SLC6A8: variants seen among roughly 807,000 people sequenced by gnomAD.
SLC6A8 encodes the protein solute carrier family 6 member 8, also known as sodium- and chloride-dependent creatine transporter 1.
In SLC6A8, 6 loss-of-function variants were observed where a neutral mutation model predicts 48.3. That is an observed-to-expected ratio of 0.12 (90% CI 0.07 to 0.25). The LOEUF is 0.25. SLC6A8 is among the 10% of genes least tolerant of loss of function. The pLI is 1.00. For synonymous variants in SLC6A8, 245 were observed against 244.0 expected, an observed-to-expected ratio of 1.00 and a Z score of -0.04; for missense variants, 260 against 551.5, an observed-to-expected ratio of 0.47 and a Z score of 5.29.
chrX:153,689,812 C>G (rs5945340), intron 1 of SLC6A8, among the ~76,000 whole-genome samples: 26,996 of 111,385 alleles, frequency 0.24, 3,057 homozygotes, highest in Middle Eastern at 0.38. Flanking sequence ...TAAGGCCGGC[C>G]TGGCCCCTCT....
Position 153,694,278 on chromosome X carries a change from T to TGG in SLC6A8, c.1392+16_1392+17dup, listed in dbSNP as rs781964988. On this transcript the variant is annotated intron_variant, in intron 9 of 12. Transcript: ENST00000253122. Reference sequence around the variant, plus strand: ...TCCATGGTGACTGATGTGAGTGGGGTGGGGGGTCTGCCTGTGACCTCTGGT... The same window carrying TGG: ...TCCATGGTGACTGATGTGAGTGGGGTGGGGGGGGTCTGCCTGTGACCTCTGGT... 3 of 1,208,056 alleles carry TGG rather than the reference T, an allele frequency of 2.5e-6. No individual in the cohort carries two copies. In the African/African-American group the frequency reaches 5.3e-5, roughly 21 times the overall value.
At chrX:153,689,233 AACAC>A (rs1180962031) in intron 1 of SLC6A8, among the ~76,000 whole-genome samples, 3 of 107,401 alleles carry the variant, frequency 2.8e-5, no homozygotes, top group Non-Finnish European at 3.9e-5. Flanking sequence ...CACACACACG[AACAC>A]ACACACACAC....
chrX:153,692,244 A>G (rs1557044616), intron 4 of SLC6A8, 137 bp downstream of exon 4: 1 of 653,059 alleles, frequency 1.5e-6, no homozygotes, highest in Admixed American at 2.7e-5. Context: ...AAAGCCAAGC[A>G]ATGCTCCCCA....
At chrX:153,694,918 C>T (rs782302343) in intron 12 of SLC6A8, 29 bp downstream of exon 12, 3 of 1,132,566 alleles carry the variant, frequency 2.6e-6, no homozygotes, top group Non-Finnish European at 2.4e-6. Flanking sequence ...CCGCCCTCCC[C>T]TCCCCTGCTG....
At chrX:153,688,984 C>T (rs1427865398) in intron 1 of SLC6A8, 148 bp downstream of exon 1, 2 of 177,305 alleles carry the variant, frequency 1.1e-5, no homozygotes, top group Non-Finnish European at 2.0e-5. Flanking sequence ...CCGCCGCTGC[C>T]GCTCGGTGGC....
chrX:153,692,167 C>G (rs2091459515), intron 4 of SLC6A8, 60 bp downstream of exon 4: 2 of 1,100,760 alleles, frequency 1.8e-6, no homozygotes, highest in Admixed American at 4.8e-5. Flanking sequence ...GATGTCTGTG[C>G]CAGGCACACC....
In SLC6A8 at chrX:153,695,069, T is replaced by C; in HGVS notation, c.1768-5T>C. The stretch of plus-strand genomic sequence containing the variant: ...GGGGCTTCAGCATGTCCTCCTCTCC[T>C]GCAGCGCTGGCAGCACCTGACCCAG... On this transcript the variant is annotated splice_polypyrimidine_tract_variant and splice_region_variant and intron_variant, in intron 12 of 12. Transcript: ENST00000253122. The C allele has an allele frequency of 8.3e-7, 1 of 1,200,659 alleles. No individual in the cohort carries two copies. Among genetic ancestry groups the C allele is most frequent in the Non-Finnish European group, 1.1e-6 (1 of 889,641 alleles).
chrX:153,694,494 A>G, intron 10 of SLC6A8, 39 bp from the exon 11 acceptor site: 2 of 1,190,294 alleles, frequency 1.7e-6, no homozygotes, highest in Non-Finnish European at 2.3e-6. Context: ...CGGGGAAGGC[A>G]GGTCTCCAGC....
chrX:153,690,892 A>ACCCCCCCC lies in SLC6A8; in HGVS notation c.394+391_394+398dup, dbSNP rs34305716. The ACCCCCCCC allele has an allele frequency of 4.2e-4, 70 of 168,418 alleles. 2 individuals carry two copies. Among genetic ancestry groups the ACCCCCCCC allele is most frequent in the African/African-American group, 2.6e-3 (50 of 18,883 alleles). The allele number at this position is 168,418 out of a possible 1,213,427, so 13.9% of individuals were successfully genotyped here. On this transcript the variant is annotated intron_variant, in intron 2 of 12. Coordinates refer to ENST00000253122, the MANE Select transcript of SLC6A8 (RefSeq NM_005629.4). ...CCAACACTACCTCAGGCGACTAGAA[A>ACCCCCCCC]CCCCCCCCCCCCACCACCACCATCA...
Position 153,689,530 on chromosome X carries a change from T to A in SLC6A8, c.262+694T>A, listed in dbSNP as rs1557044036. ...GAAGCCGAAGTGACCCGGTGATGGG[T>A]GGGAAACAGAGGTCCAGAGCAAAGG... On this transcript the variant is annotated intron_variant, in intron 1 of 12. Coordinates refer to ENST00000253122, the MANE Select transcript of SLC6A8 (RefSeq NM_005629.4). The A allele has an allele frequency of 4.0e-6, 3 of 743,375 alleles. No individual in the cohort carries two copies. The African/African-American group carries it at 7.5e-5, about 19-fold the overall frequency. 61.3% of individuals were successfully genotyped at this position (743,375 alleles called of 1,213,427 possible). A position where few individuals can be genotyped will look rare whatever the true frequency, so the allele number is the denominator to read the frequency against.
chrX:153,690,119 G>A (rs2091447392), intron 1 of SLC6A8, among the ~76,000 whole-genome samples: 1 of 113,111 alleles, frequency 8.8e-6, no homozygotes, highest in Non-Finnish European at 1.9e-5. Context: ...CGTGGGGGTG[G>A]AAGCCCTGGG....
rs143019641 is a variant in SLC6A8 at position 153,691,512 on chromosome X, C to T, written c.603C>T (p.Asp201=). The T allele has an allele frequency of 9.7e-5, 118 of 1,211,012 alleles. No individual in the cohort carries two copies. The African/African-American group carries it at 1.9e-3, about 19-fold the overall frequency. The change falls in exon 3 of 13, where the codon GAC becomes GAT. Residue 201 remains aspartate, a synonymous_variant. Transcript: ENST00000253122. ...ANASLANLTC[D]QLADRRSPVI... is the part of the protein sequence containing the mutation. Reference sequence around the variant, plus strand: ...CCAGCCTGGCCAACCTCACCTGTGACCAGCTTGCTGACCGCCGGTCCCCTG... The same window carrying T: ...CCAGCCTGGCCAACCTCACCTGTGATCAGCTTGCTGACCGCCGGTCCCCTG...
At chrX:153,693,780 G>T in intron 7 of SLC6A8, 125 bp from the exon 8 acceptor site, 1 of 803,248 alleles carries the variant, frequency 1.2e-6, no homozygotes, top group South Asian at 2.2e-5. Context: ...CCTGCCGCAC[G>T]ACCCAGGGTT....
Position 153,695,548 on chromosome X carries a change from G to A in SLC6A8, c.*334G>A. The A allele has an allele frequency of 3.5e-6, 1 of 287,906 alleles. No homozygotes were observed. The highest frequency in any genetic ancestry group is 5.6e-5 in the Admixed American group (1 of 17,880). 23.7% of individuals were successfully genotyped at this position (287,906 alleles called of 1,213,427 possible). On this transcript the variant is annotated 3_prime_UTR_variant, in exon 13 of 13. Coordinates refer to ENST00000253122, the MANE Select transcript of SLC6A8 (RefSeq NM_005629.4). ...CCCCCTGCCCACCTCTCCAGGCTCT[G>A]CTCTGCAGCACACCCGTGGGTGACC...
chrX:153,689,934 G>A (rs2091446398), intron 1 of SLC6A8, among the ~76,000 whole-genome samples: 1 of 112,774 alleles, frequency 8.9e-6, no homozygotes. Context: ...TCCAAGGGCA[G>A]GACAGTCGCG....
At chrX:153,692,622 C>G in intron 4 of SLC6A8, 1 of 342,424 alleles carries the variant, frequency 2.9e-6, no homozygotes, top group South Asian at 2.6e-5. Flanking sequence ...CCCAGTTCCA[C>G]TCTCCACCTG....
Position 153,694,232 on chromosome X carries a change from C to G in SLC6A8, c.1357C>G (p.Leu453Val). 8.3e-7 allele frequency: 1 copy of G among 1,211,445 alleles called. No individual in the cohort carries two copies. The part of the protein sequence containing the change: ...REISVALCCA[L>V]CFVIDLSMVT... ...GATCTCTGTGGCCCTCTGTTGTGCC[C>G]TCTGCTTTGTCATCGATCTCTCCAT... The change falls in exon 9 of 13, where the codon CTC becomes GTC. Residue 453 changes from leucine (L) to valine (V), a missense_variant. Around this residue, in one of 7 missense-constraint regions of SLC6A8, gnomAD observed 18 missense variants for 20.2 expected, o/e 0.89. Coordinates refer to ENST00000253122, the MANE Select transcript of SLC6A8 (RefSeq NM_005629.4).
Position 153,688,170 on chromosome X carries a change from G to A in SLC6A8, c.-405G>A, listed in dbSNP as rs1280450844. ...CTGCTCCGGCCGCCGCTTGCAGACC[G>A]CGGGCGCCGATGTCGCCCGCGCCCC... On this transcript the variant is annotated 5_prime_UTR_variant, in exon 1 of 13. Coordinates refer to ENST00000253122, the MANE Select transcript of SLC6A8 (RefSeq NM_005629.4). The A allele has an allele frequency of 1.0e-5, 1 of 98,094 alleles. No individual in the cohort carries two copies. The highest frequency in any genetic ancestry group is 2.1e-5 in the Non-Finnish European group (1 of 47,982). 8.1% of individuals were successfully genotyped at this position (98,094 alleles called of 1,213,427 possible). A position where few individuals can be genotyped will look rare whatever the true frequency, so the allele number is the denominator to read the frequency against.
chrX:153,692,664 G>A (rs1298700011), intron 4 of SLC6A8: 4 of 348,865 alleles, frequency 1.1e-5, no homozygotes, highest in Non-Finnish European at 2.2e-5. Flanking sequence ...GAAGAGGAGG[G>A]GGACCCGACC....
Sources: gnomAD v4.1 joint callset for allele counts (sites outside exome capture counted in the v4.1 genomes callset) on GRCh38, gnomAD v4.1.1 for gene constraint, gnomAD v4.1.1 regional missense constraint, MANE v1.5 for transcripts, NCBI Gene and HGNC (gene_info 2026-07-23, HGNC 2026-07-21) for gene names.